Variants in SH3TC2 observed in about 807,000 individuals in gnomAD.
SH3TC2 encodes the protein SH3 domain and tetratricopeptide repeats 2, also known as SH3 domain and tetratricopeptide repeat-containing protein 2.
A neutral mutation model predicts 124.5 loss-of-function variants in SH3TC2; 87 were observed. The ratio of observed to expected loss-of-function variants is 0.70; its 90% CI spans 0.59 to 0.84. SH3TC2 has a LOEUF of 0.84. Among genes scored for constraint, SH3TC2 ranks in the 40% least tolerant of loss-of-function variants. SH3TC2 has a pLI of 0.00. For missense variants in SH3TC2, 1,536 were observed against 1,566.4 expected, an observed-to-expected ratio of 0.98 and a Z score of 0.33; for synonymous variants, 634 against 628.5, an observed-to-expected ratio of 1.01 and a Z score of -0.13.
chr5:149,045,511 A>C (rs1214965711), intron 3 of SH3TC2: 1 of 150,758 alleles, frequency 6.6e-6, no homozygotes, highest in Non-Finnish European at 1.5e-5. Context: ...GTGCAATTGG[A>C]AATGCAAGGA....
In SH3TC2 at chr5:149,028,428, G is replaced by A; in HGVS notation, c.1304C>T (p.Thr435Ile). 1 of 1,613,674 alleles carries A rather than the reference G, an allele frequency of 6.2e-7. No individual in the cohort carries two copies. Among genetic ancestry groups the A allele is most frequent in the Non-Finnish European group, 8.5e-7 (1 of 1,179,774 alleles). Residue 435 changes from threonine to isoleucine, a missense_variant, in exon 11 of 17, where the codon ACC becomes ATC. Thr to Ile is a moderately conservative substitution (Grantham distance 89). This residue lies in a region of SH3TC2 where 1,102 missense variants were observed against 1,098.6 expected (regional missense o/e 1.00). Transcript: ENST00000515425. Reference protein sequence around the residue: ...SSLEEELLSATSDSYRLPEPD... With the variant: ...SSLEEELLSAISDSYRLPEPD... Reference sequence around the variant, plus strand: ...CTCCGGCAGGCGATAGCTGTCTGAGGTGGCCGAGAGGAGCTCCTCCTCCAG... The same window carrying A: ...CTCCGGCAGGCGATAGCTGTCTGAGATGGCCGAGAGGAGCTCCTCCTCCAG...
rs1035261876 is a variant in SH3TC2 at position 148,988,602 on chromosome 5, G to A, written c.*16109C>T. ...TCCAGTTGATCACAGCCCCAGCTGAGCTCCCAACCAACTGCAAGCATCAAC... is the reference window on the plus strand; with the variant it reads ...TCCAGTTGATCACAGCCCCAGCTGAACTCCCAACCAACTGCAAGCATCAAC... On this transcript the variant is annotated 3_prime_UTR_variant, in exon 17 of 17. Coordinates refer to ENST00000515425, the MANE Select transcript of SH3TC2 (RefSeq NM_024577.4). Among the ~76,000 whole-genome samples, 1 of 152,178 alleles carries A rather than the reference G, an allele frequency of 6.6e-6. No homozygotes were observed. Among genetic ancestry groups the A allele is most frequent in the Non-Finnish European group, 1.5e-5 (1 of 68,036 alleles).
At chr5:149,038,926 T>G (rs777884778) in intron 7 of SH3TC2, among the ~76,000 whole-genome samples, 5 of 152,224 alleles carry the variant, frequency 3.3e-5, no homozygotes, top group Admixed American at 6.5e-5. Context: ...AGAGAAGCTC[T>G]CCATGTCCTT....
intron 1 of SH3TC2, among the ~76,000 whole-genome samples, chr5:149,053,631 A>G (rs561806740): frequency 6.6e-6 from 1 of 152,360 alleles, no homozygotes; most frequent in East Asian, 1.9e-4. Flanking sequence ...ATAATGAGAA[A>G]TGAGAATGAG....
intron 2 of SH3TC2, 153 bp from the exon 3 acceptor site, chr5:149,048,142 G>C (rs185818467): frequency 9.6e-7 from 1 of 1,040,068 alleles, no homozygotes; most frequent in East Asian, 2.6e-5. Context: ...ACACTTCTCG[G>C]AGCACTCCTT....
Position 149,028,079 on chromosome 5 carries a change from G to A in SH3TC2, c.1653C>T (p.Phe551=), listed in dbSNP as rs538871220. The A allele has an allele frequency of 5.6e-5, 90 of 1,614,072 alleles. 1 individual carries two copies. The East Asian group carries it at 1.7e-3, about 30-fold the overall frequency. The stretch of plus-strand genomic sequence containing the variant: ...CATTGAGAATGTGGATGGCCTCCTC[G>A]AAGTACACCCTGGCCTGAGAGAGTT... ...KVKLSQARVY[F]EEAIHILNGA... is the part of the protein sequence containing the mutation. Residue 551 remains phenylalanine, a synonymous_variant, in exon 11 of 17, where the codon TTC becomes TTT. Coordinates refer to ENST00000515425, the MANE Select transcript of SH3TC2 (RefSeq NM_024577.4).
intron 7 of SH3TC2, 72 bp from the exon 8 acceptor site, chr5:149,038,562 A>G: frequency 2.0e-6 from 3 of 1,492,652 alleles, no homozygotes; most frequent in Non-Finnish European, 2.8e-6. Flanking sequence ...TTCCAATGCA[A>G]TAGAAAATGA....
At chr5:149,020,113 A>AAC (rs56088659) in intron 12 of SH3TC2, among the ~76,000 whole-genome samples, 17,605 of 146,838 alleles carry the variant, frequency 0.12, 1,270 homozygotes, top group Non-Finnish European at 0.17. Flanking sequence ...GAAAAGGTCA[A>AAC]ACACACACAC....
At position 149,045,732 on chromosome 5, in the gene SH3TC2, C is replaced by T. The variant is rs963188696; in HGVS notation, c.280-1094G>A. The T allele has an allele frequency of 8.1e-5, 14 of 173,250 alleles. No individual in the cohort carries two copies. In the East Asian group the frequency reaches 1.1e-3, roughly 14 times the overall value. The allele number at this position is 173,250 out of a possible 1,614,324, so 10.7% of individuals were successfully genotyped here. Reference sequence around the variant, plus strand: ...CGCAATCTCGGCTCACTGCAACCTCCGCCTCCCAGGTTCAAGCGATTCCCC... The same window carrying T: ...CGCAATCTCGGCTCACTGCAACCTCTGCCTCCCAGGTTCAAGCGATTCCCC... On this transcript the variant is annotated intron_variant, in intron 3 of 16. Transcript: ENST00000515425.
chr5:149,035,546 GCTCAAAACCCATCC>G (rs947149494), intron 8 of SH3TC2: 2 of 152,636 alleles, frequency 1.3e-5, no homozygotes, highest in Non-Finnish European at 1.5e-5. Context: ...ATTCCTCTGA[GCTCAAAACCCATCC>G]CTCTGTTGCT....
chr5:149,060,367 G>C (rs375168583), intron 1 of SH3TC2, among the ~76,000 whole-genome samples: 3 of 152,172 alleles, frequency 2.0e-5, no homozygotes, highest in East Asian at 3.9e-4. Flanking sequence ...CTCTCACCAT[G>C]TGCAGTCCCC....
At position 148,986,033 on chromosome 5, in the gene SH3TC2, G is replaced by A. The variant is rs570299170; in HGVS notation, c.*18678C>T. ...AAAAACACATAAATGCAGAATCTTG[G>A]TGTTTAAAAGGAAATTAGAACTCAT... On this transcript the variant is annotated 3_prime_UTR_variant, in exon 17 of 17. Transcript: ENST00000515425. Among the ~76,000 whole-genome samples, 2 of 152,238 alleles carry A rather than the reference G, an allele frequency of 1.3e-5. No homozygotes were observed. Among genetic ancestry groups the A allele is most frequent in the South Asian group, 4.1e-4 (2 of 4,830 alleles).
chr5:149,017,238 T>C (rs1753890378), intron 12 of SH3TC2, among the ~76,000 whole-genome samples: 1 of 152,162 alleles, frequency 6.6e-6, no homozygotes, highest in South Asian at 2.1e-4. Flanking sequence ...ATTTGTTGAA[T>C]TGATTTAATA....
intron 8 of SH3TC2, among the ~76,000 whole-genome samples, chr5:149,036,178 G>A (rs538695347): frequency 6.6e-6 from 1 of 152,202 alleles, no homozygotes; most frequent in Non-Finnish European, 1.5e-5. Flanking sequence ...CCAAAGACAA[G>A]GAGCTGGTAA....
Position 148,992,462 on chromosome 5 carries a change from A to G in SH3TC2, c.*12249T>C, listed in dbSNP as rs1753433982. 6.6e-6 allele frequency among the ~76,000 whole-genome samples: 1 copy of G among 152,096 alleles called. No individual in the cohort carries two copies. Among genetic ancestry groups the G allele is most frequent in the South Asian group, 2.1e-4 (1 of 4,824 alleles). On this transcript the variant is annotated 3_prime_UTR_variant, in exon 17 of 17. Coordinates refer to ENST00000515425, the MANE Select transcript of SH3TC2 (RefSeq NM_024577.4). Reference sequence around the variant, plus strand: ...CACCTACCTAAGCCCTAGCATGTCAACCCTGGACAGGTCCTGACAGATTAC... The same window carrying G: ...CACCTACCTAAGCCCTAGCATGTCAGCCCTGGACAGGTCCTGACAGATTAC...
chr5:149,038,544 C>A, intron 7 of SH3TC2, 54 bp from the exon 8 acceptor site: 1 of 1,550,398 alleles, frequency 6.4e-7, no homozygotes, highest in East Asian at 2.2e-5. Context: ...GCTGAGCCTC[C>A]CATCACCTTC....
chr5:149,044,664 C>G (rs748602382), intron 3 of SH3TC2, 26 bp from the exon 4 acceptor site: 1 of 1,573,658 alleles, frequency 6.4e-7, no homozygotes, highest in South Asian at 1.1e-5. Context: ...AATGAGTCAG[C>G]CTGGGATGAC....
At chr5:149,020,113 AACACACACACAC>A (rs56088659) in intron 12 of SH3TC2, among the ~76,000 whole-genome samples, 2 of 146,910 alleles carry the variant, frequency 1.4e-5, no homozygotes, top group East Asian at 2.0e-4. Context: ...GAAAAGGTCA[AACACACACACAC>A]ACACACACAC....
chr5:149,037,676 A>G (rs1411407566), intron 8 of SH3TC2, among the ~76,000 whole-genome samples: 2 of 152,130 alleles, frequency 1.3e-5, no homozygotes, highest in Non-Finnish European at 2.9e-5. Context: ...CTCCAAAAAG[A>G]TGGAGCAATA....
Sources: gnomAD v4.1 joint callset for allele counts (sites outside exome capture counted in the v4.1 genomes callset) on GRCh38, gnomAD v4.1.1 for gene constraint, gnomAD v4.1.1 regional missense constraint, MANE v1.5 for transcripts, NCBI Gene and HGNC (gene_info 2026-07-23, HGNC 2026-07-21) for gene names.